The following ADGRG3 variants were observed in gnomAD, a reference collection of about 807,000 sequenced individuals.
ADGRG3 encodes G protein-coupled receptor 97.
A neutral mutation model predicts 54.3 loss-of-function variants in ADGRG3; 39 were observed. The observed-to-expected ratio is 0.72, with a 90% confidence interval of 0.56 to 0.94. The LOEUF is 0.94. Among genes scored for constraint, ADGRG3 ranks in the 40% least tolerant of loss-of-function variants. The pLI is 0.00. For missense variants in ADGRG3, 654 were observed against 694.6 expected, an observed-to-expected ratio of 0.94 and a Z score of 0.66; for synonymous variants, 312 against 290.0, an observed-to-expected ratio of 1.08 and a Z score of -0.77.
chr16:57,685,588 G>T, intron 10 of ADGRG3, 55 bp from the exon 11 acceptor site: 2 of 1,569,002 alleles, frequency 1.3e-6, no homozygotes, highest in Admixed American at 1.7e-5. Context: ...GACTTCCTGG[G>T]TTTGCTGGCC....
At position 57,674,704 on chromosome 16, in the gene ADGRG3, C is replaced by T. The variant is rs140149760; in HGVS notation, c.206+1236C>T. ...CTCCAAACAAAAGCTTATACATGGG[C>T]CAGGCACGGCGGCTCACACAAGTAA... On this transcript the variant is annotated intron_variant, in intron 2 of 11. Transcript: ENST00000333493. 2,054 of 361,532 alleles carry T rather than the reference C, an allele frequency of 5.7e-3. 8 individuals are homozygous for T. Among genetic ancestry groups the T allele is most frequent in the Non-Finnish European group, 8.5e-3 (1,497 of 176,204 alleles). 22.4% of individuals were successfully genotyped at this position (361,532 alleles called of 1,614,324 possible). A position where few individuals can be genotyped will look rare whatever the true frequency, so the allele number is the denominator to read the frequency against.
intron 2 of ADGRG3, among the ~76,000 whole-genome samples, chr16:57,673,811 A>G (rs1338833602): frequency 6.6e-6 from 1 of 152,216 alleles, no homozygotes; most frequent in Non-Finnish European, 1.5e-5. Flanking sequence ...AAGGCTTCAC[A>G]GAGGAGGAAA....
chr16:57,671,945 GC>G (rs1215869819), intron 1 of ADGRG3, among the ~76,000 whole-genome samples: 2 of 152,162 alleles, frequency 1.3e-5, no homozygotes, highest in African/African-American at 4.8e-5. Flanking sequence ...GATCGCTTGA[GC>G]CCAGGGGTTT....
intron 3 of ADGRG3, 66 bp from the exon 4 acceptor site, chr16:57,678,104 G>A (rs1455905144): frequency 1.3e-6 from 2 of 1,583,150 alleles, no homozygotes; most frequent in Non-Finnish European, 1.7e-6. Flanking sequence ...CCTCCCAGCT[G>A]GGGGAGTGGC....
At chr16:57,670,260 T>G (rs185844869) in intron 1 of ADGRG3, among the ~76,000 whole-genome samples, 154 of 152,324 alleles carry the variant, frequency 1.0e-3, no homozygotes, top group Non-Finnish European at 1.6e-3. Context: ...GCACAGGGTC[T>G]CCTTGTCTAC....
At chr16:57,678,605 G>T in intron 4 of ADGRG3, 1 of 484,570 alleles carries the variant, frequency 2.1e-6, no homozygotes, top group East Asian at 3.5e-5. Context: ...GTGTCCTCGT[G>T]CATGCACAAA....
Position 57,684,238 on chromosome 16 carries a change from T to C in ADGRG3, c.1162+26T>C, listed in dbSNP as rs761446015. ...GTAGGTGCTGCCTGGATGGACAGAA[T>C]AAACGGCCGGCCCTGAGGGTGCAGA... On this transcript the variant is annotated intron_variant, in intron 9 of 11. Transcript: ENST00000333493. 9 of 1,601,792 alleles carry C rather than the reference T, an allele frequency of 5.6e-6. No individual in the cohort carries two copies. In the South Asian group the frequency reaches 6.7e-5, roughly 12 times the overall value.
At chr16:57,674,605 T>C (rs1048443258) in intron 2 of ADGRG3, 2 of 455,672 alleles carry the variant, frequency 4.4e-6, no homozygotes, top group Non-Finnish European at 8.8e-6. Context: ...CAGGAGCTTC[T>C]TAGCACCCCA....
At chr16:57,668,210 G>A (rs1321807724), upstream of ADGRG3, 9 of 676,890 alleles carry the variant, frequency 1.3e-5, no homozygotes, top group Admixed American at 2.7e-5. Flanking sequence ...TGGCGCCATC[G>A]AGCAGGAAGG....
intron 10 of ADGRG3, among the ~76,000 whole-genome samples, chr16:57,684,887 G>T (rs2048445336): frequency 6.6e-6 from 1 of 152,194 alleles, no homozygotes. Flanking sequence ...TCCTTGTTCA[G>T]GCCACCACCT....
intron 8 of ADGRG3, chr16:57,681,193 C>T (rs1427356855): frequency 3.2e-5 from 5 of 157,228 alleles, no homozygotes; most frequent in African/African-American, 9.6e-5. Flanking sequence ...TCCTGTGGTT[C>T]GTTCTCCCAG....
intron 1 of ADGRG3, among the ~76,000 whole-genome samples, chr16:57,671,052 AG>A (rs2048148025): frequency 6.6e-6 from 1 of 152,136 alleles, no homozygotes; most frequent in African/African-American, 2.4e-5. Context: ...CCACCCTCAA[AG>A]GGAGAAGGAT....
chr16:57,682,655 C>G, intron 8 of ADGRG3: 1 of 984,834 alleles, frequency 1.0e-6, no homozygotes, highest in South Asian at 4.7e-5. Context: ...AGATGCTCCT[C>G]CAGGAAGCCC....
chr16:57,676,117 C>A, intron 2 of ADGRG3, 83 bp from the exon 3 acceptor site: 1 of 1,320,850 alleles, frequency 7.6e-7, no homozygotes, highest in Non-Finnish European at 1.1e-6. Context: ...TAGTTTGGGT[C>A]AGCCCTCTCA....
chr16:57,666,827 C>T (rs1024898150), upstream of ADGRG3, among the ~76,000 whole-genome samples: 2 of 152,178 alleles, frequency 1.3e-5, no homozygotes, highest in African/African-American at 4.8e-5. Flanking sequence ...GTCTGCTCAC[C>T]CCCAGGCGCT....
At chr16:57,679,465 A>G (rs528305838) in intron 5 of ADGRG3, among the ~76,000 whole-genome samples, 154 bp downstream of exon 5, 8 of 152,074 alleles carry the variant, frequency 5.3e-5, no homozygotes, top group East Asian at 1.9e-4. Flanking sequence ...ACATAATTGG[A>G]TCCAAGGCCA....
intron 4 of ADGRG3, 141 bp downstream of exon 4, chr16:57,678,457 C>T (rs1213011311): frequency 1.1e-5 from 8 of 752,706 alleles, no homozygotes; most frequent in Middle Eastern, 3.3e-4. Flanking sequence ...TAATGCAGCC[C>T]GTGGCCATCT....
In ADGRG3 at chr16:57,679,853, A is replaced by C. The variant is rs1304739680; in HGVS notation, c.665A>C (p.Lys222Thr). The change falls in exon 6 of 12, where the codon AAA becomes ACA. Residue 222 changes from lysine to threonine, a missense_variant and splice_region_variant. Coordinates refer to ENST00000333493, the MANE Select transcript of ADGRG3 (RefSeq NM_170776.5). ...TLTCVFWDVT[K>T]GTTGDWSSEG... ...ACCTGTGTATTCTGGGATGTGACTA[A>C]AGGTAGGGCCCGGAGGACCTTCTCT... 2 of 1,611,108 alleles carry C rather than the reference A, an allele frequency of 1.2e-6. No individual in the cohort carries two copies. Among genetic ancestry groups the C allele is most frequent in the Non-Finnish European group, 1.7e-6 (2 of 1,177,552 alleles).
Position 57,686,070 on chromosome 16 carries a change from C to G in ADGRG3, c.1540+144C>G, listed in dbSNP as rs369284577. On this transcript the variant is annotated intron_variant, in intron 11 of 11. Transcript: ENST00000333493. Reference sequence around the variant, plus strand: ...GGATGTTGATTTCAAATACTCAGAGCAAGGATCCAGGGCAGCAAAGTTTGG... The same window carrying G: ...GGATGTTGATTTCAAATACTCAGAGGAAGGATCCAGGGCAGCAAAGTTTGG... 1.7e-5 allele frequency: 15 copies of G among 859,280 alleles called. No homozygotes were observed. The East Asian group carries it at 3.0e-4, about 17-fold the overall frequency. The allele number at this position is 859,280 out of a possible 1,614,324, so 53.2% of individuals were successfully genotyped here.
Sources: allele counts gnomAD v4.1 joint callset (sites outside exome capture counted in the v4.1 genomes callset), GRCh38; gene constraint gnomAD v4.1.1; transcripts MANE v1.5; gene names NCBI Gene and HGNC (gene_info 2026-07-23, HGNC 2026-07-21).